Variants in ASXL2 observed in about 807,000 individuals in gnomAD.
The protein encoded by ASXL2 is ASXL transcriptional regulator 2, also known as putative Polycomb group protein ASXL2.
In ASXL2, 23 loss-of-function variants were observed where a neutral mutation model predicts 122.0. That is an observed-to-expected ratio of 0.19 (90% confidence interval 0.14 to 0.27). The LOEUF (loss-of-function observed/expected upper bound fraction) is 0.27. Ranked by LOEUF, ASXL2 falls within the 10% of genes least tolerant of loss-of-function variation. The pLI is 1.00. For missense variants in ASXL2, 1,518 were observed against 1,713.8 expected, an observed-to-expected ratio of 0.89 and a Z score of 2.02; for synonymous variants, 650 against 637.0, an observed-to-expected ratio of 1.02 and a Z score of -0.31.
chr2:25,761,480 C>A (rs948825063), intron 8 of ASXL2, among the ~76,000 whole-genome samples: 1 of 152,052 alleles, frequency 6.6e-6, no homozygotes, highest in Admixed American at 6.5e-5. Context: ...CGAGACCATC[C>A]TGGCTAACAC....
At chr2:25,812,546 T>C (rs567668899) in intron 3 of ASXL2, among the ~76,000 whole-genome samples, 26 of 152,268 alleles carry the variant, frequency 1.7e-4, no homozygotes, top group South Asian at 2.1e-4. Flanking sequence ...TTACAGACTG[T>C]TGAGAGGACA....
At chr2:25,752,653 G>A (rs1040769913) in intron 11 of ASXL2, among the ~76,000 whole-genome samples, 3 of 151,340 alleles carry the variant, frequency 2.0e-5, no homozygotes, top group African/African-American at 7.3e-5. Context: ...TTCGAGACCA[G>A]CCTGGCCAAC....
chr2:25,809,530 G>A (rs1369567404), intron 3 of ASXL2, among the ~76,000 whole-genome samples: 1 of 152,106 alleles, frequency 6.6e-6, no homozygotes, highest in African/African-American at 2.4e-5. Context: ...TATGGAAAGG[G>A]CAATATGCAT....
At chr2:25,748,735 C>T (rs2087985186) in intron 12 of ASXL2, among the ~76,000 whole-genome samples, 1 of 152,154 alleles carries the variant, frequency 6.6e-6, no homozygotes, top group African/African-American at 2.4e-5. Context: ...GAATGAACTG[C>T]AAGCTGATAT....
Position 25,738,660 on chromosome 2 carries a change from C to T in ASXL2, c.*3369G>A, listed in dbSNP as rs1255140934. ...TCACCAGAGAGTTATTTATGGCTCT[C>T]TAAGGTGGAGAAAGGCAATAATAAA... On this transcript the variant is annotated 3_prime_UTR_variant, in exon 13 of 13. Transcript: ENST00000435504. The T allele has an allele frequency of 2.0e-5, 3 of 151,854 alleles. No individual in the cohort carries two copies. In the East Asian group the frequency reaches 6.1e-4, roughly 31 times the overall value. 9.4% of individuals were successfully genotyped at this position (151,854 alleles called of 1,614,324 possible). A position where few individuals can be genotyped will look rare whatever the true frequency, so the allele number is the denominator to read the frequency against.
chr2:25,809,304 A>T, intron 3 of ASXL2, among the ~76,000 whole-genome samples: 1 of 152,104 alleles, frequency 6.6e-6, no homozygotes. Context: ...ATGAAAAAAA[A>T]AAAAGAAATA....
chr2:25,816,504 T>C (rs191415755), intron 3 of ASXL2, among the ~76,000 whole-genome samples: 32 of 152,336 alleles, frequency 2.1e-4, no homozygotes, highest in African/African-American at 7.7e-4. Flanking sequence ...ATTTGCCTGT[T>C]TGGCTGACTC....
rs766193890 is a variant in ASXL2 at position 25,741,844 on chromosome 2, A to G, written c.*185T>C. On this transcript the variant is annotated 3_prime_UTR_variant, in exon 13 of 13. Transcript: ENST00000435504. ...AAGTCTTGCTTGACTTAGACTTACT[A>G]TACAAGGTGCTCTTCCTCTAAAATG... is the stretch of plus-strand genomic sequence containing the variant. 3.7e-5 allele frequency: 22 copies of G among 591,664 alleles called. No individual in the cohort carries two copies. Among genetic ancestry groups the G allele is most frequent in the Middle Eastern group, 9.0e-4 (2 of 2,218 alleles). The allele number at this position is 591,664 out of a possible 1,614,324, so 36.7% of individuals were successfully genotyped here.
chr2:25,781,670 C>CTTTTTT (rs34167762), intron 5 of ASXL2, among the ~76,000 whole-genome samples: 1 of 121,766 alleles, frequency 8.2e-6, no homozygotes, highest in Admixed American at 8.6e-5. Context: ...ACACACCTGG[C>CTTTTTT]TTTTTTTTTT....
At chr2:25,836,518 A>C (rs918110504) in intron 2 of ASXL2, among the ~76,000 whole-genome samples, 31 of 152,320 alleles carry the variant, frequency 2.0e-4, no homozygotes, top group African/African-American at 7.2e-4. Context: ...ATTGGTTTTT[A>C]GTATAAAGTA....
chr2:25,811,546 C>G (rs548193707), intron 3 of ASXL2, among the ~76,000 whole-genome samples: 1 of 151,750 alleles, frequency 6.6e-6, no homozygotes, highest in Admixed American at 6.6e-5. Flanking sequence ...AGGACGTGAA[C>G]AAATGATTCA....
At chr2:25,764,643 GTTTGTATTAATATAAACAATA>G (rs748629245) in intron 8 of ASXL2, among the ~76,000 whole-genome samples, 22 of 152,248 alleles carry the variant, frequency 1.4e-4, no homozygotes, top group Admixed American at 5.2e-4. Context: ...TATAAACAAT[GTTTGTATTAATATAAACAATA>G]TTTGTATTAA....
intron 5 of ASXL2, among the ~76,000 whole-genome samples, chr2:25,788,070 A>G (rs1339051937): frequency 2.0e-5 from 3 of 152,212 alleles, no homozygotes; most frequent in African/African-American, 4.8e-5. Flanking sequence ...AACCATAACT[A>G]TATGGTCAAT....
intron 1 of ASXL2, among the ~76,000 whole-genome samples, chr2:25,848,345 G>A (rs992911959): frequency 2.0e-5 from 3 of 152,182 alleles, no homozygotes; most frequent in African/African-American, 7.2e-5. Context: ...GAGACCGGCT[G>A]GGCGCGGTGG....
intron 2 of ASXL2, among the ~76,000 whole-genome samples, chr2:25,844,288 C>T (rs2089623294): frequency 6.6e-6 from 1 of 152,056 alleles, no homozygotes; most frequent in African/African-American, 2.4e-5. Flanking sequence ...TGATTAAGAA[C>T]ACTGACTATT....
intron 1 of ASXL2, among the ~76,000 whole-genome samples, chr2:25,852,713 G>A (rs1254823375): frequency 1.3e-5 from 2 of 152,182 alleles, no homozygotes; most frequent in African/African-American, 4.8e-5. Flanking sequence ...AATGACCAGA[G>A]AGATGAGAAG....
rs1204835055 is a variant in ASXL2, at chr2:25,739,005, A to G, written c.*3024T>C. 1 of 152,244 alleles carries G rather than the reference A, an allele frequency of 6.6e-6. No individual in the cohort carries two copies. Among genetic ancestry groups the G allele is most frequent in the African/African-American group, 2.4e-5 (1 of 41,460 alleles). 9.4% of individuals were successfully genotyped at this position (152,244 alleles called of 1,614,324 possible). A position where few individuals can be genotyped will look rare whatever the true frequency, so the allele number is the denominator to read the frequency against. On this transcript the variant is annotated 3_prime_UTR_variant, in exon 13 of 13. Coordinates refer to ENST00000435504, the MANE Select transcript of ASXL2 (RefSeq NM_018263.6). ...ATAGGATGGAGAATTCTAATTCTCC[A>G]AAATTATTTAAGATTCAGGGAGACT...
At chr2:25,830,625 CA>C (rs755161150) in intron 3 of ASXL2, among the ~76,000 whole-genome samples, 13,681 of 81,580 alleles carry the variant, frequency 0.17, 671 homozygotes, top group African/African-American at 0.25. Context: ...GACTCTGCCT[CA>C]AAAAAAAAAA....
intron 1 of ASXL2, among the ~76,000 whole-genome samples, chr2:25,877,169 C>T (rs1243283382): frequency 6.6e-6 from 1 of 152,084 alleles, no homozygotes; most frequent in Non-Finnish European, 1.5e-5. Context: ...GAAGTATTAC[C>T]GGCATTAATC....
Sources: allele counts gnomAD v4.1 joint callset (sites outside exome capture counted in the v4.1 genomes callset), GRCh38; gene constraint gnomAD v4.1.1; transcripts MANE v1.5; gene names NCBI Gene and HGNC (gene_info 2026-07-23, HGNC 2026-07-21).